The following CMTR2 variants were observed in gnomAD, a reference collection of about 807,000 sequenced individuals.
The protein encoded by CMTR2 is cap methyltransferase 2, also known as cap-specific mRNA (nucleoside-2'-O-)-methyltransferase 2.
A neutral mutation model predicts 49.8 loss-of-function variants in CMTR2; 40 were observed. The ratio of observed to expected loss-of-function variants is 0.80; its 90% CI spans 0.62 to 1.04. The LOEUF is 1.04. Among genes scored for constraint, CMTR2 ranks in the 50% least tolerant of loss-of-function variants. The pLI, the probability that CMTR2 is intolerant of heterozygous loss-of-function variation, is 0.00. For missense variants in CMTR2, 907 were observed against 897.2 expected (o/e 1.01, Z -0.14); for synonymous variants, 326 against 315.8 (o/e 1.03, Z -0.34).
chr16:71,286,215 C>T (rs9938525), intron 2 of CMTR2, among the ~76,000 whole-genome samples: 1 of 151,470 alleles, frequency 6.6e-6, no homozygotes, highest in Non-Finnish European at 1.5e-5. Context: ...AAAAAAAAGC[C>T]TATCATTTTT....
intron 2 of CMTR2, chr16:71,287,653 CA>C: frequency 6.6e-6 from 1 of 152,316 alleles, no homozygotes; most frequent in Non-Finnish European, 1.5e-5. Flanking sequence ...AGGCTGGTCT[CA>C]AAATCCTGGG....
chr16:71,289,657 A>AGGGGGG (rs2041804724), upstream of CMTR2: 1 of 4,168 alleles, frequency 2.4e-4, no homozygotes, highest in South Asian at 7.5e-3. Context: ...GGGGAGGGGG[A>AGGGGGG]GGGGGAGGGA....
chr16:71,282,963 G>T lies in CMTR2; in HGVS notation c.*645C>A, dbSNP rs1337261896. 6.6e-6 allele frequency: 1 copy of T among 152,552 alleles called. No individual in the cohort carries two copies. The highest frequency in any genetic ancestry group is 1.5e-5 in the Non-Finnish European group (1 of 68,032). The allele number at this position is 152,552 out of a possible 1,614,324, so 9.4% of individuals were successfully genotyped here. A position where few individuals can be genotyped will look rare whatever the true frequency, so the allele number is the denominator to read the frequency against. ...TATATTTTTATAGTTGGATGGTGTG[G>T]TCAGTAAAAGATTCATACAACAGCA... On this transcript the variant is annotated 3_prime_UTR_variant, in exon 3 of 3. Coordinates refer to ENST00000434935, the MANE Select transcript of CMTR2 (RefSeq NM_018348.6).
rs753360412 is a variant in CMTR2 at position 71,284,150 on chromosome 16, T to C, written c.1771A>G (p.Ile591Val). Residue 591 changes from isoleucine to valine, a missense_variant, in exon 3 of 3, where the codon ATC becomes GTC. Physicochemically the swap from Ile to Val is conservative, Grantham distance 29. Transcript: ENST00000434935. ...ACTTCCAACGGTATATGCATTTTGA[T>C]ATTACGGAGAGTCGAAAAGCCCACC... ...LLVGFSTLRNIKMHIPLEVRL... is the reference protein window; with the variant it reads ...LLVGFSTLRNVKMHIPLEVRL... The C allele has an allele frequency of 1.9e-6, 3 of 1,613,868 alleles. No individual in the cohort carries two copies. Among genetic ancestry groups the C allele is most frequent in the East Asian group, 2.2e-5 (1 of 44,892 alleles).
intron 2 of CMTR2, 81 bp downstream of exon 2, chr16:71,288,797 C>T (rs1441535316): frequency 6.6e-6 from 1 of 152,166 alleles, no homozygotes. Context: ...ATATTGCAAA[C>T]TCAAGTAGGC....
chr16:71,282,550 A>G lies in CMTR2; in HGVS notation c.*1058T>C, dbSNP rs1308750809. ...ACACTGCAAATACAGAAGAAATAAA[A>G]TAACTCATTACATTGCAGATACAAA... On this transcript the variant is annotated 3_prime_UTR_variant, in exon 3 of 3. Transcript: ENST00000434935. 1 of 152,176 alleles carries G rather than the reference A, an allele frequency of 6.6e-6. No individual in the cohort carries two copies. The highest frequency in any genetic ancestry group is 1.5e-5 in the Non-Finnish European group (1 of 67,982). 9.4% of individuals were successfully genotyped at this position (152,176 alleles called of 1,614,324 possible).
upstream of CMTR2, chr16:71,289,649 G>C (rs1377488345): frequency 1.3e-5 from 2 of 150,280 alleles, no homozygotes; most frequent in African/African-American, 4.9e-5. Flanking sequence ...GAGGCGAAGG[G>C]GAGGGGGAGG....
At position 71,284,179 on chromosome 16, in the gene CMTR2, A is replaced by C. The variant is rs2041668940; in HGVS notation, c.1742T>G (p.Leu581Arg). The change falls in exon 3 of 3, where the codon CTG becomes CGG. Residue 581 changes from leucine to arginine, a missense_variant. Leu to Arg is a moderately radical substitution (Grantham distance 102, BLOSUM62 -2). Coordinates refer to ENST00000434935, the MANE Select transcript of CMTR2 (RefSeq NM_018348.6). ...ACGGAGAGTCGAAAAGCCCACCAGC[A>C]GGCACTTTATTTGATTGCTGGGTAC... ...VVVPSNQIKC[L>R]LVGFSTLRNI... The C allele has an allele frequency of 6.2e-7, 1 of 1,613,932 alleles. No homozygotes were observed. Among genetic ancestry groups the C allele is most frequent in the African/African-American group, 1.3e-5 (1 of 74,920 alleles).
chr16:71,283,764 C>G lies in CMTR2; in HGVS notation c.2157G>C (p.Gln719His). 6.2e-7 allele frequency: 1 copy of G among 1,613,976 alleles called. No homozygotes were observed. The highest frequency in any genetic ancestry group is 8.5e-7 in the Non-Finnish European group (1 of 1,179,932). The change falls in exon 3 of 3, where the codon CAG (glutamine) becomes CAC (histidine). Residue 719 changes from glutamine (Q) to histidine (H), a missense_variant. Physicochemically the swap from Gln to His is conservative, Grantham distance 24 (BLOSUM62 0). Coordinates refer to ENST00000434935, the MANE Select transcript of CMTR2 (RefSeq NM_018348.6). ...LSTLLNSDSP[Q>H]QVLQFVPMEV... ...CCATTGGCACAAACTGTAAAACCTG[C>G]TGGGGTGAGTCAGAGTTGAGCAAAG...
Position 71,285,265 on chromosome 16 carries a change from A to C in CMTR2, c.656T>G (p.Leu219Arg). 6.2e-7 allele frequency: 1 copy of C among 1,614,110 alleles called. No homozygotes were observed. Among genetic ancestry groups the C allele is most frequent in the Non-Finnish European group, 8.5e-7 (1 of 1,179,960 alleles). ...AGCCATGCTGCTTATGAAATTCTGA[A>C]GTCCAGTCAAGAATTTCAGGGTCAT... ...DIMTLKFLTG[L>R]QNFISSMATV... Residue 219 changes from leucine to arginine, a missense_variant, in exon 3 of 3, where the codon CTT becomes CGT. Coordinates refer to ENST00000434935, the MANE Select transcript of CMTR2 (RefSeq NM_018348.6).
At position 71,283,916 on chromosome 16, in the gene CMTR2, T is replaced by C. The variant is rs1341911923; in HGVS notation, c.2005A>G (p.Ile669Val). 6.2e-7 allele frequency: 1 copy of C among 1,614,068 alleles called. No individual in the cohort carries two copies. Residue 669 changes from isoleucine to valine, a missense_variant, in exon 3 of 3, where the codon ATC becomes GTC. Ile to Val is a conservative substitution (Grantham distance 29). Transcript: ENST00000434935. The stretch of plus-strand genomic sequence containing the variant: ...GAGGATGTGGGACAAACAAAAGTGA[T>C]GAATCTAAAACAACTGTGGAGTACA... ...IFVLHSCFRF[I>V]TFVCPTSSDP...
Position 71,285,845 on chromosome 16 carries a change from T to C in CMTR2, c.76A>G (p.Ile26Val), listed in dbSNP as rs1414678486. 6.2e-7 allele frequency: 1 copy of C among 1,613,958 alleles called. No homozygotes were observed. The highest frequency in any genetic ancestry group is 8.5e-7 in the Non-Finnish European group (1 of 1,179,956). ...AAGTTCTTGGCAAAGAGTTCAAAAA[T>C]GTCAGCAAGAATATCTGGGCTGAAT... Reference protein sequence around the residue: ...ASFSPDILADIFELFAKNFSY... With the variant: ...ASFSPDILADVFELFAKNFSY... Residue 26 changes from isoleucine to valine, a missense_variant, in exon 3 of 3, where the codon ATT becomes GTT. Physicochemically the swap from Ile to Val is conservative, Grantham distance 29 (BLOSUM62 3). Transcript: ENST00000434935.
rs759062095 is a variant in CMTR2 at position 71,284,296 on chromosome 16, T to C, written c.1625A>G (p.Gln542Arg). 1.9e-6 allele frequency: 3 copies of C among 1,614,044 alleles called. No individual in the cohort carries two copies. Among genetic ancestry groups the C allele is most frequent in the Non-Finnish European group, 2.5e-6 (3 of 1,179,982 alleles). ...AAAAACATGACAAGAACAAGAATAC[T>C]GCTGTTTTGGCCTAAACTTGGAATC... ...NLDSKFRPKQ[Q>R]YSCSCHVFSE... Residue 542 changes from glutamine (Q) to arginine (R), a missense_variant, in exon 3 of 3, where the codon CAG becomes CGG. Physicochemically the swap from Gln to Arg is conservative, Grantham distance 43. Coordinates refer to ENST00000434935, the MANE Select transcript of CMTR2 (RefSeq NM_018348.6).
Position 71,282,939 on chromosome 16 carries a change from A to G in CMTR2, c.*669T>C, listed in dbSNP as rs190309517. The G allele has an allele frequency of 5.2e-5, 8 of 152,688 alleles. No homozygotes were observed. Among genetic ancestry groups the G allele is most frequent in the Admixed American group, 2.6e-4 (4 of 15,286 alleles). 9.5% of individuals were successfully genotyped at this position (152,688 alleles called of 1,614,324 possible). On this transcript the variant is annotated 3_prime_UTR_variant, in exon 3 of 3. Transcript: ENST00000434935. The stretch of plus-strand genomic sequence containing the variant: ...ATCTTTGGTTTAAAGCTGTCCCGTT[A>G]TATTTTTATAGTTGGATGGTGTGGT...
Position 71,284,851 on chromosome 16 carries a change from A to T in CMTR2, c.1070T>A (p.Leu357His). 1 of 1,613,960 alleles carries T rather than the reference A, an allele frequency of 6.2e-7. No individual in the cohort carries two copies. The highest frequency in any genetic ancestry group is 8.5e-7 in the Non-Finnish European group (1 of 1,179,954). The stretch of plus-strand genomic sequence containing the variant: ...CACACAACATTCTTCATGTCTCTTA[A>T]GAAAAGAATCAGGAATCACATGATG... The part of the protein sequence containing the change: ...FPHHVIPDSF[L>H]KRHEECCVFF... The change falls in exon 3 of 3, where the codon CTT (leucine) becomes CAT (histidine). Residue 357 changes from leucine (L) to histidine (H), a missense_variant. Transcript: ENST00000434935.
chr16:71,283,477 A>T lies in CMTR2; in HGVS notation c.*131T>A. On this transcript the variant is annotated 3_prime_UTR_variant, in exon 3 of 3. Transcript: ENST00000434935. ...TCAGAATGGATGGTTTTCCAGAATT[A>T]ATGAGACTTTGAATGATGCAAATGT... The T allele has an allele frequency of 1.8e-6, 2 of 1,100,512 alleles. No individual in the cohort carries two copies. The highest frequency in any genetic ancestry group is 2.6e-6 in the Non-Finnish European group (2 of 782,302). 68.2% of individuals were successfully genotyped at this position (1,100,512 alleles called of 1,614,324 possible).
rs377064558 is a variant in CMTR2, at chr16:71,284,050, C to A, written c.1871G>T (p.Arg624Leu). 1.9e-6 allele frequency: 3 copies of A among 1,613,884 alleles called. No homozygotes were observed. The Admixed American group carries it at 5.0e-5, about 27-fold the overall frequency. Residue 624 changes from arginine to leucine, a missense_variant, in exon 3 of 3, where the codon CGT becomes CTT. Transcript: ENST00000434935. ...LLHDGDPTYQ[R>L]LFLDCLLHSL... ...ATGTAGAAGGCAGTCCAAAAATAAA[C>A]GCTGGTAAGTTGGATCTCCATCATG...
At position 71,284,141 on chromosome 16, in the gene CMTR2, G is replaced by A; in HGVS notation, c.1780C>T (p.His594Tyr). 1 of 1,613,982 alleles carries A rather than the reference G, an allele frequency of 6.2e-7. No individual in the cohort carries two copies. Among genetic ancestry groups the A allele is most frequent in the South Asian group, 1.1e-5 (1 of 91,076 alleles). The part of the protein sequence containing the change: ...GFSTLRNIKM[H>Y]IPLEVRLLES... ...AGGAGTCGAACTTCCAACGGTATAT[G>A]CATTTTGATATTACGGAGAGTCGAA... is the stretch of plus-strand genomic sequence containing the variant. Residue 594 changes from histidine to tyrosine, a missense_variant, in exon 3 of 3, where the codon CAT becomes TAT. By Grantham distance (83) the His-to-Tyr change is moderately conservative (BLOSUM62 2). Transcript: ENST00000434935.
At position 71,285,211 on chromosome 16, in the gene CMTR2, C is replaced by T; in HGVS notation, c.710G>A (p.Ser237Asn). 1 of 1,613,726 alleles carries T rather than the reference C, an allele frequency of 6.2e-7. No individual in the cohort carries two copies. Among genetic ancestry groups the T allele is most frequent in the Non-Finnish European group, 8.5e-7 (1 of 1,179,602 alleles). Residue 237 changes from serine to asparagine, a missense_variant, in exon 3 of 3, where the codon AGT becomes AAT. Transcript: ENST00000434935. ...ATVHLVTADGSFDCQGNPGEQ... is the reference protein window; with the variant it reads ...ATVHLVTADGNFDCQGNPGEQ... Reference sequence around the variant, plus strand: ...ACCTGGGTTTCCTTGGCAATCAAAACTCCCATCTGCAGTGACCAAGTGAAC... The same window carrying T: ...ACCTGGGTTTCCTTGGCAATCAAAATTCCCATCTGCAGTGACCAAGTGAAC...
Sources: allele counts gnomAD v4.1 joint callset (sites outside exome capture counted in the v4.1 genomes callset), GRCh38; gene constraint gnomAD v4.1.1; transcripts MANE v1.5; gene names NCBI Gene and HGNC (gene_info 2026-07-23, HGNC 2026-07-21).